Variants in CTNNA1 observed in about 807,000 individuals in gnomAD.
CTNNA1 encodes the protein catenin alpha 1.
In CTNNA1, 37 loss-of-function variants were observed where a neutral mutation model predicts 98.4. The ratio of observed to expected loss-of-function variants is 0.38; its 90% CI spans 0.29 to 0.49. The LOEUF (loss-of-function observed/expected upper bound fraction) is 0.49. Ranked by LOEUF, CTNNA1 falls within the 20% of genes least tolerant of loss-of-function variation. The pLI is 0.95. For missense variants in CTNNA1, 761 were observed against 1,147.2 expected, an observed-to-expected ratio of 0.66 and a Z score of 4.86; for synonymous variants, 404 against 413.2, an observed-to-expected ratio of 0.98 and a Z score of 0.27.
chr5:138,909,993 A>G (rs1475198011), intron 10 of CTNNA1, among the ~76,000 whole-genome samples: 1 of 151,984 alleles, frequency 6.6e-6, no homozygotes, highest in Non-Finnish European at 1.5e-5. Flanking sequence ...GTATTCTCTA[A>G]TCTGGTTTTT....
intron 3 of CTNNA1, among the ~76,000 whole-genome samples, chr5:138,786,247 G>A (rs1441127637): frequency 6.6e-6 from 1 of 152,146 alleles, no homozygotes. Context: ...CATCAGATAT[G>A]AAAAGCTGAA....
At chr5:138,861,560 C>T (rs965020541) in intron 7 of CTNNA1, among the ~76,000 whole-genome samples, 15 of 152,256 alleles carry the variant, frequency 9.9e-5, no homozygotes, top group Middle Eastern at 3.4e-3. Context: ...ATATCTTCTA[C>T]GCCCCAATTC....
chr5:138,930,686 CA>C, intron 15 of CTNNA1, 32 bp downstream of exon 15: 2 of 1,598,624 alleles, frequency 1.3e-6, no homozygotes, highest in Non-Finnish European at 1.7e-6. Context: ...CCAGGCTGCA[CA>C]GGGGCTACTT....
At chr5:138,862,059 A>G (rs946133208) in intron 7 of CTNNA1, among the ~76,000 whole-genome samples, 1 of 152,248 alleles carries the variant, frequency 6.6e-6, no homozygotes, top group Non-Finnish European at 1.5e-5. Flanking sequence ...AATCTGGGTC[A>G]TAAGATCTGA....
intron 7 of CTNNA1, among the ~76,000 whole-genome samples, chr5:138,868,760 A>G (rs905930331): frequency 6.6e-6 from 1 of 152,172 alleles, no homozygotes; most frequent in Non-Finnish European, 1.5e-5. Context: ...GAAGACAGGT[A>G]ATGATTAGCT....
At chr5:138,851,986 C>G (rs1311723337) in intron 7 of CTNNA1, among the ~76,000 whole-genome samples, 1 of 152,086 alleles carries the variant, frequency 6.6e-6, no homozygotes, top group East Asian at 1.9e-4. Flanking sequence ...AGGAGAATTG[C>G]TTGAACCTGG....
At chr5:138,793,925 A>T (rs993198731) in intron 3 of CTNNA1, among the ~76,000 whole-genome samples, 1 of 151,994 alleles carries the variant, frequency 6.6e-6, no homozygotes, top group Non-Finnish European at 1.5e-5. Flanking sequence ...AAGGGGGGGA[A>T]GTTAAGAGGT....
chr5:138,849,600 C>T (rs186150635), intron 7 of CTNNA1, among the ~76,000 whole-genome samples: 6 of 152,220 alleles, frequency 3.9e-5, no homozygotes, highest in South Asian at 2.1e-4. Flanking sequence ...AAGTGAGGCA[C>T]GTGCGCTGGC....
chr5:138,908,647 A>G (rs867146288), intron 10 of CTNNA1, among the ~76,000 whole-genome samples: 9 of 152,112 alleles, frequency 5.9e-5, no homozygotes, highest in Non-Finnish European at 1.0e-4. Context: ...CCTGGGCGAC[A>G]GAGTATGACC....
intron 3 of CTNNA1, among the ~76,000 whole-genome samples, chr5:138,787,031 T>G: frequency 6.6e-6 from 1 of 151,212 alleles, no homozygotes; most frequent in East Asian, 1.9e-4. Flanking sequence ...TTTTAAAGGA[T>G]TTTTAAGATG....
chr5:138,844,572 G>T (rs886164174), intron 7 of CTNNA1, among the ~76,000 whole-genome samples: 1 of 152,144 alleles, frequency 6.6e-6, no homozygotes, highest in Admixed American at 6.6e-5. Context: ...CACTTTGGTT[G>T]TTGGTTGTTA....
chr5:138,793,918 G>A (rs534573596), intron 3 of CTNNA1, among the ~76,000 whole-genome samples: 16 of 152,182 alleles, frequency 1.1e-4, no homozygotes, highest in Middle Eastern at 3.4e-3. Flanking sequence ...GATGGGGAAG[G>A]GGGGGAAGTT....
chr5:138,873,531 G>C lies in CTNNA1; in HGVS notation c.1063-12681G>C. Reference sequence around the variant, plus strand: ...TCTAGAATATCCTCTCCTTGGGTGTGGTCAGGACTGTGGCATAGGATGGAG... The same window carrying C: ...TCTAGAATATCCTCTCCTTGGGTGTCGTCAGGACTGTGGCATAGGATGGAG... On this transcript the variant is annotated intron_variant, in intron 7 of 17. Coordinates refer to ENST00000302763, the MANE Select transcript of CTNNA1 (RefSeq NM_001903.5). The surrounding 1 kb of genome is among the most constrained non-coding windows in gnomAD (Gnocchi z 6.1). 1 of 1,613,956 alleles carries C rather than the reference G, an allele frequency of 6.2e-7. No individual in the cohort carries two copies.
Position 138,834,387 on chromosome 5 carries a change from C to A in CTNNA1, c.1062+6669C>A, listed in dbSNP as rs185482898. On this transcript the variant is annotated intron_variant, in intron 7 of 17. Coordinates refer to ENST00000302763, the MANE Select transcript of CTNNA1 (RefSeq NM_001903.5). ...TATATCTGTTCTTTTCTTACCTTTT[C>A]TTTTTAAAAATGTTGTTAGTAATGA... Among the ~76,000 whole-genome samples the A allele has an allele frequency of 4.8e-3, 738 of 152,204 alleles. 6 individuals are homozygous for A. Among genetic ancestry groups the A allele is most frequent in the Non-Finnish European group, 8.5e-3 (575 of 68,012 alleles).
intron 3 of CTNNA1, among the ~76,000 whole-genome samples, chr5:138,802,398 T>C (rs569159767): frequency 7.7e-4 from 117 of 152,300 alleles, no homozygotes; most frequent in Non-Finnish European, 1.5e-3. Flanking sequence ...CTCAGGAAAC[T>C]CCTGGGCTCA....
chr5:138,923,853 T>A (rs11953339), intron 11 of CTNNA1, among the ~76,000 whole-genome samples: 39,415 of 152,168 alleles, frequency 0.26, 5,379 homozygotes, highest in Middle Eastern at 0.32. Context: ...TTCAGCTGTA[T>A]GACTGTTAGG....
At chr5:138,824,938 G>A (rs1760491896) in intron 6 of CTNNA1, 139 bp downstream of exon 6, 4 of 768,462 alleles carry the variant, frequency 5.2e-6, no homozygotes, top group Non-Finnish European at 6.3e-6. Context: ...AAGAAATTAT[G>A]AATCATCAGT....
intron 6 of CTNNA1, among the ~76,000 whole-genome samples, 182 bp downstream of exon 6, chr5:138,824,981 T>C (rs1292069785): frequency 6.6e-6 from 1 of 152,222 alleles, no homozygotes; most frequent in African/African-American, 2.4e-5. Flanking sequence ...AAAACATTTA[T>C]TTTTATTTTT....
chr5:138,854,577 A>G (rs190373886), intron 7 of CTNNA1, among the ~76,000 whole-genome samples: 21 of 152,356 alleles, frequency 1.4e-4, no homozygotes, highest in Non-Finnish European at 8.8e-5. Flanking sequence ...AGCGTAAAAT[A>G]TAGAAATTAT....
Sources: allele counts gnomAD v4.1 joint callset (sites outside exome capture counted in the v4.1 genomes callset), GRCh38; gene constraint gnomAD v4.1.1; non-coding constraint Gnocchi (gnomAD v3.1); transcripts MANE v1.5; gene names NCBI Gene and HGNC (gene_info 2026-07-23, HGNC 2026-07-21).